Variants in PAPSS1 observed in about 807,000 individuals in gnomAD.
PAPSS1 encodes the protein 3'-phosphoadenosine 5'-phosphosulfate synthase 1.
Under a neutral mutation model 72.0 loss-of-function variants are expected in PAPSS1, and 50 were observed. That is an observed-to-expected ratio of 0.69 (90% CI 0.55 to 0.88). PAPSS1 has a LOEUF of 0.88. Among genes scored for constraint, PAPSS1 ranks in the 40% least tolerant of loss-of-function variants. The pLI is 0.00. For missense variants in PAPSS1, 657 were observed against 782.2 expected (o/e 0.84, Z 1.91); for synonymous variants, 261 against 263.6 (o/e 0.99, Z 0.09).
chr4:107,647,084 T>C (rs1726715983), intron 9 of PAPSS1, among the ~76,000 whole-genome samples: 1 of 152,178 alleles, frequency 6.6e-6, no homozygotes. Flanking sequence ...AGGATGCAAA[T>C]GCAGCTGGAG....
chr4:107,694,642 A>G (rs953119638), intron 2 of PAPSS1, among the ~76,000 whole-genome samples: 1 of 152,216 alleles, frequency 6.6e-6, no homozygotes, highest in Non-Finnish European at 1.5e-5. Context: ...CAAAAGAAAG[A>G]AATGTTACAA....
intron 2 of PAPSS1, among the ~76,000 whole-genome samples, chr4:107,696,663 C>G (rs1191205291): frequency 6.6e-6 from 1 of 151,916 alleles, no homozygotes; most frequent in Non-Finnish European, 1.5e-5. Context: ...GATGGGTTAA[C>G]AGGTGCAGCA....
At chr4:107,643,067 C>G (rs920907100) in intron 10 of PAPSS1, among the ~76,000 whole-genome samples, 1 of 152,146 alleles carries the variant, frequency 6.6e-6, no homozygotes, top group Admixed American at 6.5e-5. Flanking sequence ...CACAGCGAAA[C>G]ACCACACAGC....
At chr4:107,629,094 A>G (rs1010262378) in intron 11 of PAPSS1, among the ~76,000 whole-genome samples, 2 of 152,210 alleles carry the variant, frequency 1.3e-5, no homozygotes, top group African/African-American at 2.4e-5. Context: ...TGATTATAAC[A>G]TGTCTGAACA....
chr4:107,614,969 A>AT (rs10681522), intron 11 of PAPSS1, among the ~76,000 whole-genome samples: 81,108 of 150,124 alleles, frequency 0.54, 22,318 homozygotes, highest in Middle Eastern at 0.63. Context: ...CTAAAACTAG[A>AT]TTTTTTTTTT....
intron 4 of PAPSS1, among the ~76,000 whole-genome samples, chr4:107,684,796 T>C (rs552393559): frequency 2.6e-5 from 4 of 151,382 alleles, no homozygotes; most frequent in East Asian, 2.0e-4. Context: ...CTCTCTAAAA[T>C]GTATAAAACC....
intron 10 of PAPSS1, among the ~76,000 whole-genome samples, chr4:107,635,538 T>C (rs1005826419): frequency 6.6e-5 from 10 of 152,030 alleles, no homozygotes; most frequent in Admixed American, 3.3e-4. Flanking sequence ...TTAAAGGAAA[T>C]AGGTGGAGCA....
At chr4:107,665,569 C>T (rs1330933911) in intron 5 of PAPSS1, among the ~76,000 whole-genome samples, 2 of 152,142 alleles carry the variant, frequency 1.3e-5, no homozygotes, top group Non-Finnish European at 2.9e-5. Flanking sequence ...ATCTGAAAGG[C>T]TCCAGTCACC....
chr4:107,675,201 A>C (rs1296125279), intron 5 of PAPSS1, among the ~76,000 whole-genome samples: 1 of 152,206 alleles, frequency 6.6e-6, no homozygotes, highest in Non-Finnish European at 1.5e-5. Flanking sequence ...AACTGAAGGA[A>C]ACAGAGACAC....
intron 2 of PAPSS1, among the ~76,000 whole-genome samples, chr4:107,700,225 T>C (rs1723172141): frequency 6.6e-6 from 1 of 152,082 alleles, no homozygotes; most frequent in Admixed American, 6.6e-5. Flanking sequence ...ACAAAGACAC[T>C]GGGAAATAAA....
chr4:107,683,032 C>A (rs1722677050), intron 4 of PAPSS1, among the ~76,000 whole-genome samples: 4 of 152,104 alleles, frequency 2.6e-5, no homozygotes. Context: ...GACAATTTCC[C>A]AGAGAGGGTT....
At chr4:107,694,933 A>G (rs1578427828) in intron 2 of PAPSS1, among the ~76,000 whole-genome samples, 1 of 141,048 alleles carries the variant, frequency 7.1e-6, no homozygotes, top group South Asian at 2.5e-4. Flanking sequence ...TCATGGTAGT[A>G]CAGAAGGCTA....
chr4:107,675,476 C>T (rs1727616725), intron 5 of PAPSS1, among the ~76,000 whole-genome samples: 1 of 152,178 alleles, frequency 6.6e-6, no homozygotes, highest in South Asian at 2.1e-4. Flanking sequence ...CCTCCCAAGA[C>T]TAAACCAGGA....
intron 9 of PAPSS1, among the ~76,000 whole-genome samples, 198 bp from the exon 10 acceptor site, chr4:107,645,268 T>C (rs1216078703): frequency 3.3e-5 from 5 of 151,818 alleles, no homozygotes; most frequent in Non-Finnish European, 4.4e-5. Flanking sequence ...ACTTCTACTA[T>C]ACAATATTAA....
At chr4:107,678,829 T>C (rs547293285) in intron 5 of PAPSS1, among the ~76,000 whole-genome samples, 2 of 152,162 alleles carry the variant, frequency 1.3e-5, no homozygotes, top group East Asian at 1.9e-4. Flanking sequence ...CCTTCTTTCA[T>C]ATCCACAAAA....
In PAPSS1 at chr4:107,654,883, A is replaced by T. The variant is rs1414907604; in HGVS notation, c.913T>A (p.Ser305Thr). 6.2e-7 allele frequency: 1 copy of T among 1,613,724 alleles called. No homozygotes were observed. The highest frequency in any genetic ancestry group is 8.5e-7 in the Non-Finnish European group (1 of 1,179,802). ...CLLDGGVINL[S>T]VPIVLTATHE... is the part of the protein sequence containing the mutation. ...GTCGCAGTCAGAACTATAGGTACTGACAAGTTAATGACACCTCCTGCAGAG... is the reference window on the plus strand; with the variant it reads ...GTCGCAGTCAGAACTATAGGTACTGTCAAGTTAATGACACCTCCTGCAGAG... Residue 305 changes from serine to threonine, a missense_variant, in exon 8 of 12, where the codon TCA becomes ACA. Ser to Thr is a moderately conservative substitution (Grantham distance 58). Around this residue, in one of 7 missense-constraint regions of PAPSS1, gnomAD observed 190 missense variants for 176.7 expected, o/e 1.07. Transcript: ENST00000265174.
chr4:107,631,546 T>C, intron 11 of PAPSS1, 85 bp downstream of exon 11: 1 of 922,758 alleles, frequency 1.1e-6, no homozygotes, highest in Non-Finnish European at 1.7e-6. Context: ...CTGTCATCAG[T>C]AAAGATTAGA....
intron 9 of PAPSS1, among the ~76,000 whole-genome samples, chr4:107,650,428 A>C (rs1726808518): frequency 6.6e-6 from 1 of 152,248 alleles, no homozygotes; most frequent in Non-Finnish European, 1.5e-5. Flanking sequence ...AGAGTGAAAA[A>C]CAGATGTAAT....
intron 2 of PAPSS1, among the ~76,000 whole-genome samples, chr4:107,697,667 C>A (rs1321054846): frequency 6.6e-6 from 1 of 152,076 alleles, no homozygotes; most frequent in Non-Finnish European, 1.5e-5. Context: ...ACAGAGCAGT[C>A]AGAGGAAACT....
Sources: allele counts gnomAD v4.1 joint callset (sites outside exome capture counted in the v4.1 genomes callset), GRCh38; gene constraint gnomAD v4.1.1; regional missense constraint gnomAD v4.1.1; transcripts MANE v1.5; gene names NCBI Gene and HGNC (gene_info 2026-07-23, HGNC 2026-07-21).